Variants in MYO16 observed in about 807,000 individuals in gnomAD.
MYO16 encodes the protein unconventional myosin-XVI.
MYO16 carries 94 observed loss-of-function variants against 205.3 expected under a neutral mutation model. The observed-to-expected ratio is 0.46, with a 90% CI of 0.39 to 0.54. The LOEUF (loss-of-function observed/expected upper bound fraction) is 0.54. MYO16 is among the 20% of genes least tolerant of loss of function. MYO16 has a pLI of 0.00. For missense variants in MYO16, 2,315 were observed against 2,387.5 expected, an observed-to-expected ratio of 0.97 and a Z score of 0.63; for synonymous variants, 988 against 954.0, an observed-to-expected ratio of 1.04 and a Z score of -0.66.
At chr13:109,199,241 C>T (rs1399172026) in intron 34 of MYO16, among the ~76,000 whole-genome samples, 4 of 84,920 alleles carry the variant, frequency 4.7e-5, no homozygotes, top group Non-Finnish European at 9.5e-5. Flanking sequence ...TATATATATA[C>T]CGTCATTTTG....
At chr13:108,842,134 C>T (rs886593419) in intron 9 of MYO16, among the ~76,000 whole-genome samples, 2 of 151,846 alleles carry the variant, frequency 1.3e-5, no homozygotes, top group Non-Finnish European at 2.9e-5. Context: ...CAAGAAGCTC[C>T]TCAACAACTT....
intron 27 of MYO16, among the ~76,000 whole-genome samples, chr13:109,089,198 A>G (rs947020598): frequency 1.1e-4 from 16 of 150,662 alleles, no homozygotes; most frequent in Non-Finnish European, 2.1e-4. Flanking sequence ...CATTATTATT[A>G]TTATTATTAT....
At chr13:108,949,031 C>G (rs1223682178) in intron 16 of MYO16, among the ~76,000 whole-genome samples, 1 of 152,168 alleles carries the variant, frequency 6.6e-6, no homozygotes, top group African/African-American at 2.4e-5. Flanking sequence ...AGCACATAGT[C>G]AACAGTTGTT....
chr13:109,194,581 T>C (rs956279396), intron 34 of MYO16, among the ~76,000 whole-genome samples: 27 of 152,192 alleles, frequency 1.8e-4, no homozygotes, highest in African/African-American at 6.3e-4. Context: ...GAATTTTAAT[T>C]CGGACGTACA....
intron 23 of MYO16, among the ~76,000 whole-genome samples, chr13:109,022,711 A>C (rs1410088369): frequency 1.0e-5 from 1 of 95,800 alleles, no homozygotes; most frequent in African/African-American, 3.5e-5. Flanking sequence ...TATATTATAT[A>C]TACGCATATA....
At chr13:108,882,956 C>A in intron 12 of MYO16, 103 bp from the exon 13 acceptor site, 1 of 1,417,838 alleles carries the variant, frequency 7.1e-7, no homozygotes, top group South Asian at 1.5e-5. Context: ...ATTAGGGATT[C>A]ATTCACTTCT....
At chr13:108,741,236 G>A (rs892523830) in intron 4 of MYO16, among the ~76,000 whole-genome samples, 1 of 152,208 alleles carries the variant, frequency 6.6e-6, no homozygotes, top group Admixed American at 6.5e-5. Flanking sequence ...CACGCTGGGA[G>A]CTGTAGACTG....
intron 20 of MYO16, among the ~76,000 whole-genome samples, chr13:108,967,280 CTA>C (rs1302289850): frequency 1.3e-5 from 2 of 151,954 alleles, no homozygotes; most frequent in East Asian, 3.9e-4. Flanking sequence ...AGGTGAATGT[CTA>C]TTTGTTACAC....
At chr13:108,530,629 TG>T in the MYO16 span, among the ~76,000 whole-genome samples, 1 of 152,352 alleles carries the variant, frequency 6.6e-6, no homozygotes, top group East Asian at 1.9e-4. Context: ...TTTTGATCAC[TG>T]CCATATTCAC....
chr13:108,981,550 C>T (rs114672044), intron 20 of MYO16, among the ~76,000 whole-genome samples: 1,592 of 152,362 alleles, frequency 0.01, 33 homozygotes, highest in African/African-American at 0.035. Flanking sequence ...ATTCTGCTTC[C>T]TCTGACCCCT....
intron 27 of MYO16, among the ~76,000 whole-genome samples, chr13:109,079,683 C>A (rs904568196): frequency 1.3e-5 from 2 of 151,892 alleles, no homozygotes; most frequent in Non-Finnish European, 2.9e-5. Flanking sequence ...GGATCCATAC[C>A]CCAAACCTCA....
intron 20 of MYO16, among the ~76,000 whole-genome samples, chr13:108,975,480 C>G (rs1156690446): frequency 3.3e-5 from 5 of 152,094 alleles, no homozygotes; most frequent in African/African-American, 1.2e-4. Context: ...TTGAGGTCAA[C>G]TTGGGCAGGT....
At chr13:108,501,787 C>T in the MYO16 span, among the ~76,000 whole-genome samples, 293 of 152,248 alleles carry the variant, frequency 1.9e-3, 1 homozygote, top group African/African-American at 6.8e-3. Context: ...GACTCTGCAG[C>T]GCATACAGCC....
chr13:108,930,878 A>T (rs1178707015), intron 16 of MYO16, among the ~76,000 whole-genome samples: 4 of 152,260 alleles, frequency 2.6e-5, no homozygotes, highest in African/African-American at 9.6e-5. Flanking sequence ...TATAAAGTAA[A>T]CATATGCAAA....
At chr13:108,532,436 C>A in the MYO16 span, among the ~76,000 whole-genome samples, 1 of 151,010 alleles carries the variant, frequency 6.6e-6, no homozygotes, top group African/African-American at 2.4e-5. Flanking sequence ...AAATAACCAT[C>A]TTCTGCTTGT....
intron 27 of MYO16, among the ~76,000 whole-genome samples, chr13:109,071,185 G>A (rs1300897344): frequency 6.6e-6 from 1 of 152,060 alleles, no homozygotes; most frequent in Non-Finnish European, 1.5e-5. Context: ...TGAAAAGGAT[G>A]ATGACAATAT....
intron 7 of MYO16, among the ~76,000 whole-genome samples, chr13:108,818,122 G>A (rs928726039): frequency 1.3e-5 from 2 of 152,078 alleles, no homozygotes; most frequent in Non-Finnish European, 2.9e-5. Flanking sequence ...GGTGGCTCAC[G>A]CGTGTAATCT....
In MYO16 at chr13:108,618,046, C is replaced by T. The variant is rs1879411217; in HGVS notation, c.-39+21807C>T. ...ATTGCTTCCTGAGAATTTACCCAGTCTGCTCTGTCTTCACTACCATGACTC... is the reference window on the plus strand; with the variant it reads ...ATTGCTTCCTGAGAATTTACCCAGTTTGCTCTGTCTTCACTACCATGACTC... On this transcript the variant is annotated intron_variant, in intron 1 of 24. Transcript: ENST00000251041. Among the ~76,000 whole-genome samples, 10 of 152,282 alleles carry T rather than the reference C, an allele frequency of 6.6e-5. No homozygotes were observed. The South Asian group carries it at 2.1e-3, about 32-fold the overall frequency.
intron 22 of MYO16, 152 bp from the exon 23 acceptor site, chr13:109,019,559 T>G: frequency 1.6e-6 from 1 of 614,466 alleles, no homozygotes; most frequent in Non-Finnish European, 2.8e-6. Flanking sequence ...GGTGGTGGGG[T>G]AGAAATAGAA....
Sources: gnomAD v4.1 joint callset for allele counts (sites outside exome capture counted in the v4.1 genomes callset) on GRCh38, gnomAD v4.1.1 for gene constraint, MANE v1.5 for transcripts, NCBI Gene and HGNC (gene_info 2026-07-23, HGNC 2026-07-21) for gene names.